Variants in CEP89 observed in about 807,000 individuals in gnomAD.
CEP89 encodes the protein centrosomal protein of 89 kDa.
CEP89 carries 95 observed loss-of-function variants against 97.6 expected under a neutral mutation model. The ratio of observed to expected loss-of-function variants is 0.97; its 90% CI spans 0.82 to 1.15. The LOEUF is 1.15. Among genes scored for constraint, CEP89 ranks in the 50% most tolerant of loss-of-function variants. The pLI is 0.00. For missense variants in CEP89, 869 were observed against 947.7 expected (o/e 0.92, Z 1.09); for synonymous variants, 354 against 349.1 (o/e 1.01, Z -0.16).
intron 16 of CEP89, among the ~76,000 whole-genome samples, chr19:32,896,781 T>C (rs74995092): frequency 4.0e-5 from 6 of 148,566 alleles, no homozygotes; most frequent in Non-Finnish European, 7.5e-5. Flanking sequence ...CTCTCTCTCT[T>C]TTTTTTTTTA....
intron 16 of CEP89, 35 bp downstream of exon 16, chr19:32,899,822 C>G (rs777840371): frequency 8.2e-6 from 13 of 1,576,278 alleles, no homozygotes; most frequent in Non-Finnish European, 1.1e-5. Flanking sequence ...CATATTAACT[C>G]GCAGTTTACT....
intron 1 of CEP89, among the ~76,000 whole-genome samples, chr19:32,968,642 T>TC (rs945506801): frequency 2.0e-5 from 3 of 151,344 alleles, no homozygotes. Flanking sequence ...AAAGAGTGAA[T>TC]CCCCCCTCAT....
At chr19:32,948,488 G>A in intron 4 of CEP89, 120 bp from the exon 5 acceptor site, 1 of 570,110 alleles carries the variant, frequency 1.8e-6, no homozygotes, top group Non-Finnish European at 3.1e-6. Flanking sequence ...TTCCTCCATG[G>A]GCACTTCAGC....
At chr19:32,947,964 C>T (rs1361252098) in intron 5 of CEP89, among the ~76,000 whole-genome samples, 2 of 152,180 alleles carry the variant, frequency 1.3e-5, no homozygotes, top group Admixed American at 6.5e-5. Flanking sequence ...CCTTGCCTGG[C>T]TGATGTTTTT....
intron 16 of CEP89, among the ~76,000 whole-genome samples, chr19:32,893,283 G>A (rs1046392693): frequency 6.6e-5 from 10 of 152,092 alleles, no homozygotes; most frequent in African/African-American, 2.4e-4. Flanking sequence ...CAAAAACTGC[G>A]TAAAGAAGGT....
At chr19:32,886,540 C>T (rs1969398768) in intron 17 of CEP89, among the ~76,000 whole-genome samples, 1 of 152,184 alleles carries the variant, frequency 6.6e-6, no homozygotes. Flanking sequence ...AATGTCACCT[C>T]TGATTTCTCA....
At chr19:32,929,917 G>A (rs535752238) in intron 9 of CEP89, among the ~76,000 whole-genome samples, 106 of 152,078 alleles carry the variant, frequency 7.0e-4, no homozygotes, top group Non-Finnish European at 1.2e-3. Context: ...AGTTCATAGA[G>A]ACAGAAAATA....
intron 4 of CEP89, among the ~76,000 whole-genome samples, chr19:32,950,908 C>T (rs566518033): frequency 3.9e-5 from 6 of 152,192 alleles, no homozygotes; most frequent in Admixed American, 2.6e-4. Context: ...TAATGCATAT[C>T]GTCTAATTAA....
chr19:32,911,144 A>T, intron 14 of CEP89, among the ~76,000 whole-genome samples: 1 of 152,168 alleles, frequency 6.6e-6, no homozygotes, highest in East Asian at 1.9e-4. Flanking sequence ...TCACTAAGTG[A>T]TAGGAATTTT....
At chr19:32,951,563 A>ACG (rs1555794452) in intron 4 of CEP89, among the ~76,000 whole-genome samples, 22 of 150,798 alleles carry the variant, frequency 1.5e-4, no homozygotes, top group Non-Finnish European at 1.9e-4. Context: ...ACACACACAC[A>ACG]CACGCACACT....
chr19:32,948,752 G>A lies in CEP89; in HGVS notation c.493-384C>T, dbSNP rs552384142. On this transcript the variant is annotated intron_variant, in intron 4 of 18. Transcript: ENST00000305768. ...CCCCACCCCTTTTTTTTGAGACAGG[G>A]TCTCCTCTGTCACCCAAGCTGGAGC... is the stretch of plus-strand genomic sequence containing the variant. 2.6e-5 allele frequency among the ~76,000 whole-genome samples: 4 copies of A among 151,946 alleles called. No individual in the cohort carries two copies. The South Asian group carries it at 8.3e-4, about 32-fold the overall frequency.
At chr19:32,925,146 G>C (rs1338609882) in intron 11 of CEP89, among the ~76,000 whole-genome samples, 1 of 152,040 alleles carries the variant, frequency 6.6e-6, no homozygotes, top group East Asian at 1.9e-4. Context: ...CCCAGCTCAG[G>C]ATCCCAGAAC....
chr19:32,924,835 C>T (rs1970322221), intron 11 of CEP89, among the ~76,000 whole-genome samples: 1 of 152,184 alleles, frequency 6.6e-6, no homozygotes, highest in Non-Finnish European at 1.5e-5. Flanking sequence ...CATGTTGCAA[C>T]AGCAGGGCTG....
At chr19:32,882,132 C>A in intron 17 of CEP89, 119 bp from the exon 18 acceptor site, 1 of 816,346 alleles carries the variant, frequency 1.2e-6, no homozygotes, top group Non-Finnish European at 1.9e-6. Context: ...TCTAGCAACC[C>A]CGGATAAGTT....
At position 32,961,058 on chromosome 19, in the gene CEP89, A is replaced by G. The variant is rs144566656; in HGVS notation, c.147-1000T>C. ...ACAGTGCAGCACACAAGTGTGAGGA[A>G]ATTACCAGACAGTGGAGGAAGAACC... On this transcript the variant is annotated intron_variant, in intron 2 of 18. Coordinates refer to ENST00000305768, the MANE Select transcript of CEP89 (RefSeq NM_032816.5). Among the ~76,000 whole-genome samples, 427 of 152,274 alleles carry G rather than the reference A, an allele frequency of 2.8e-3. 3 individuals carry two copies. Among genetic ancestry groups the G allele is most frequent in the African/African-American group, 9.6e-3 (399 of 41,576 alleles).
chr19:32,959,488 T>A (rs919751324), intron 3 of CEP89, among the ~76,000 whole-genome samples: 2 of 151,944 alleles, frequency 1.3e-5, no homozygotes, highest in Non-Finnish European at 2.9e-5. Context: ...GCCAAGAAGA[T>A]CAAATTAATG....
At chr19:32,898,402 T>C (rs1316413174) in intron 16 of CEP89, among the ~76,000 whole-genome samples, 1 of 150,478 alleles carries the variant, frequency 6.6e-6, no homozygotes, top group East Asian at 1.9e-4. Context: ...GGTGTGTTTG[T>C]GGGGGGCTGG....
intron 14 of CEP89, among the ~76,000 whole-genome samples, chr19:32,907,103 T>C (rs1969902942): frequency 6.6e-6 from 1 of 152,232 alleles, no homozygotes; most frequent in South Asian, 2.1e-4. Context: ...CTCATGACTA[T>C]AATCCCATCG....
chr19:32,896,777 CTCTT>C (rs1969651690), intron 16 of CEP89, among the ~76,000 whole-genome samples: 2 of 151,274 alleles, frequency 1.3e-5, no homozygotes, highest in Admixed American at 1.3e-4. Flanking sequence ...CTCTCTCTCT[CTCTT>C]TTTTTTTTTA....
Sources: gnomAD v4.1 joint callset for allele counts (sites outside exome capture counted in the v4.1 genomes callset) on GRCh38, gnomAD v4.1.1 for gene constraint, MANE v1.5 for transcripts, NCBI Gene and HGNC (gene_info 2026-07-23, HGNC 2026-07-21) for gene names.